CUX2: variants seen among roughly 807,000 people sequenced by gnomAD.
CUX2 encodes cut like homeobox 2, also known as homeobox protein cut-like 2.
In CUX2, 40 loss-of-function variants were observed where a neutral mutation model predicts 144.8. That is an observed-to-expected ratio of 0.28 (90% CI 0.21 to 0.36). The LOEUF is 0.36. Ranked by LOEUF, CUX2 falls within the 10% of genes least tolerant of loss-of-function variation. The pLI, the probability that CUX2 is intolerant of heterozygous loss-of-function variation, is 1.00. For synonymous variants in CUX2, 827 were observed against 875.6 expected (o/e 0.94, Z 0.98); for missense variants, 1,615 against 1,994.0 (o/e 0.81, Z 3.62).
intron 1 of CUX2, among the ~76,000 whole-genome samples, chr12:111,181,042 C>CA (rs1379094332): frequency 6.6e-6 from 1 of 152,226 alleles, no homozygotes; most frequent in African/African-American, 2.4e-5. Flanking sequence ...ATAGTCTTTG[C>CA]AGAGCTCCGG....
intron 4 of CUX2, among the ~76,000 whole-genome samples, chr12:111,274,302 G>T (rs966659797): frequency 1.3e-5 from 2 of 152,140 alleles, no homozygotes; most frequent in African/African-American, 2.4e-5. Flanking sequence ...GGGTGGCCTT[G>T]AGTAACTGGC....
chr12:111,299,143 G>A (rs1000319953), intron 9 of CUX2, among the ~76,000 whole-genome samples: 3 of 152,228 alleles, frequency 2.0e-5, no homozygotes, highest in Non-Finnish European at 4.4e-5. Context: ...CAGAGACATG[G>A]CCAGGAGAGG....
At chr12:111,099,718 T>C in intron 1 of CUX2, 1 of 456,304 alleles carries the variant, frequency 2.2e-6, no homozygotes, top group Non-Finnish European at 4.4e-6. Flanking sequence ...CTATTGGGTT[T>C]ATTGGGCGCC....
intron 3 of CUX2, among the ~76,000 whole-genome samples, chr12:111,229,884 C>T (rs567202180): frequency 1.3e-5 from 2 of 152,020 alleles, no homozygotes; most frequent in Non-Finnish European, 2.9e-5. Context: ...CGTGGTGGTG[C>T]ACGCCTGTAG....
chr12:111,158,470 A>T (rs374971937), intron 1 of CUX2, among the ~76,000 whole-genome samples: 1 of 148,906 alleles, frequency 6.7e-6, no homozygotes, highest in East Asian at 2.0e-4. Flanking sequence ...ATTAATTTTT[A>T]TTAAAAAAAA....
rs571291349 is a variant in CUX2 at position 111,219,717 on chromosome 12, G to A, written c.222+1780G>A. On this transcript the variant is annotated intron_variant, in intron 3 of 21. Transcript: ENST00000261726. ...GTCTGACACACGAAGAGCTGTTAGC[G>A]GGTGAAGAGTACAGATGCTGGAGCC... Among the ~76,000 whole-genome samples, 317 of 152,298 alleles carry A rather than the reference G, an allele frequency of 2.1e-3. 1 individual carries two copies. The highest frequency in any genetic ancestry group is 3.3e-3 in the Non-Finnish European group (223 of 68,026).
At chr12:111,201,293 G>A (rs1055029752) in intron 1 of CUX2, among the ~76,000 whole-genome samples, 5 of 152,110 alleles carry the variant, frequency 3.3e-5, no homozygotes, top group East Asian at 3.9e-4. Flanking sequence ...TTGCCCGCAC[G>A]GTTCCCTGCA....
intron 1 of CUX2, among the ~76,000 whole-genome samples, chr12:111,147,548 C>T (rs1202769845): frequency 6.6e-6 from 1 of 152,216 alleles, no homozygotes; most frequent in Non-Finnish European, 1.5e-5. Flanking sequence ...TTCCCACCCT[C>T]TCGTGCTCTA....
chr12:111,320,455 T>G lies in CUX2; in HGVS notation c.2446T>G (p.Ser816Ala), dbSNP rs747613524. The stretch of plus-strand genomic sequence containing the variant: ...GTCCTCCTCCTCCTCCTCTGGCTAC[T>G]CTGGCCAGCCCAACGGCCGCGCCTG... ...SLSSSSSSGYSGQPNGRAWPR... is the reference protein window; with the variant it reads ...SLSSSSSSGYAGQPNGRAWPR... The change falls in exon 17 of 22, where the codon TCT (serine) becomes GCT (alanine). Residue 816 changes from serine (S) to alanine (A), a missense_variant. By Grantham distance (99) the Ser-to-Ala change is moderately conservative (BLOSUM62 1). This residue lies in a region of CUX2 where 390 missense variants were observed against 387.1 expected (regional missense o/e 1.01). Transcript: ENST00000261726. This position sits in a 1 kb window ranked among gnomAD's most constrained non-coding sequence, Gnocchi z 8.1. The G allele has an allele frequency of 1.3e-6, 2 of 1,594,366 alleles. No individual in the cohort carries two copies. Among genetic ancestry groups the G allele is most frequent in the South Asian group, 2.2e-5 (2 of 90,946 alleles).
intron 1 of CUX2, among the ~76,000 whole-genome samples, chr12:111,050,250 A>G (rs1240296178): frequency 6.7e-6 from 1 of 149,406 alleles, no homozygotes; most frequent in African/African-American, 2.5e-5. Context: ...TTTCAGACCC[A>G]TCCTCCTCTG....
At chr12:111,098,454 CA>C (rs1236278106) in intron 1 of CUX2, among the ~76,000 whole-genome samples, 1 of 151,814 alleles carries the variant, frequency 6.6e-6, no homozygotes, top group African/African-American at 2.4e-5. Flanking sequence ...CTGCTGCAGT[CA>C]TCGGCCTTGG....
intron 3 of CUX2, among the ~76,000 whole-genome samples, chr12:111,243,533 T>C (rs973201084): frequency 1.6e-5 from 2 of 124,018 alleles, no homozygotes; most frequent in African/African-American, 6.7e-5. Context: ...AGACAGGGTC[T>C]CGCTCTGTTG....
chr12:111,186,926 G>A lies in CUX2; in HGVS notation c.64-27274G>A, dbSNP rs956305575. 7.2e-5 allele frequency among the ~76,000 whole-genome samples: 11 copies of A among 152,062 alleles called. No individual in the cohort carries two copies. The East Asian group carries it at 1.7e-3, about 24-fold the overall frequency. On this transcript the variant is annotated intron_variant, in intron 1 of 21. Coordinates refer to ENST00000261726, the MANE Select transcript of CUX2 (RefSeq NM_015267.4). This position sits in a 1 kb window ranked among gnomAD's most constrained non-coding sequence, Gnocchi z 4.4. ...CCTGAGTAGCTGGGATTACAGGCAC[G>A]TGCCACCATGCCTGGCTAATTTTTG...
At chr12:111,058,251 T>G (rs1050536050) in intron 1 of CUX2, among the ~76,000 whole-genome samples, 9 of 152,240 alleles carry the variant, frequency 5.9e-5, no homozygotes, top group African/African-American at 1.9e-4. Context: ...AAGGATTTAA[T>G]TGCCCTGTAG....
intron 1 of CUX2, among the ~76,000 whole-genome samples, chr12:111,084,887 G>A (rs933005696): frequency 6.6e-6 from 1 of 152,064 alleles, no homozygotes; most frequent in Non-Finnish European, 1.5e-5. Context: ...GCAGGGGATT[G>A]GAGGGACCTC....
chr12:111,143,131 A>G (rs1031662326), intron 1 of CUX2, among the ~76,000 whole-genome samples: 1 of 152,082 alleles, frequency 6.6e-6, no homozygotes, highest in Non-Finnish European at 1.5e-5. Context: ...CTGAGACTTG[A>G]CACATCCTGT....
At chr12:111,036,632 AG>A (rs535467037) in intron 1 of CUX2, among the ~76,000 whole-genome samples, 4 of 140,796 alleles carry the variant, frequency 2.8e-5, no homozygotes, top group South Asian at 2.5e-4. Context: ...GTATATGTGA[AG>A]GGGGGGGTTG....
intron 1 of CUX2, among the ~76,000 whole-genome samples, chr12:111,062,877 C>G (rs76892561): frequency 0.069 from 10,475 of 152,106 alleles, 466 homozygotes; most frequent in East Asian, 0.11. Flanking sequence ...ACCTCTGGCT[C>G]CAGCAAGTGA....
intron 3 of CUX2, among the ~76,000 whole-genome samples, chr12:111,223,381 A>G (rs1444345688): frequency 1.3e-5 from 2 of 152,178 alleles, no homozygotes; most frequent in East Asian, 3.8e-4. Context: ...CCCCGATGAC[A>G]GCCACGGCAG....
Sources: gnomAD v4.1 joint callset for allele counts (sites outside exome capture counted in the v4.1 genomes callset) on GRCh38, gnomAD v4.1.1 for gene constraint, gnomAD v4.1.1 regional missense constraint, Gnocchi (gnomAD v3.1) non-coding constraint, MANE v1.5 for transcripts, NCBI Gene and HGNC (gene_info 2026-07-23, HGNC 2026-07-21) for gene names.